RAP1GAP2: variants seen among roughly 807,000 people sequenced by gnomAD.
RAP1GAP2 encodes rap1 GTPase-activating protein 2.
In RAP1GAP2, 27 loss-of-function variants were observed where a neutral mutation model predicts 95.0. The ratio of observed to expected loss-of-function variants is 0.28; its 90% CI spans 0.21 to 0.39. RAP1GAP2 has a LOEUF of 0.39. Among genes scored for constraint, RAP1GAP2 ranks in the 10% least tolerant of loss-of-function variants. RAP1GAP2 has a pLI of 1.00. For synonymous variants in RAP1GAP2, 373 were observed against 380.9 expected (o/e 0.98, Z 0.24); for missense variants, 771 against 970.0 (o/e 0.79, Z 2.72).
In RAP1GAP2 at chr17:2,827,532, G is replaced by A. The variant is rs1597384769; in HGVS notation, c.80+26982G>A. ...CCATAGAAGGGACATTTGAGGCCTGGCGCGGTGGCTCATGCCTGTAATCCC... is the reference window on the plus strand; with the variant it reads ...CCATAGAAGGGACATTTGAGGCCTGACGCGGTGGCTCATGCCTGTAATCCC... On this transcript the variant is annotated intron_variant, in intron 2 of 24. Transcript: ENST00000254695. The surrounding 1 kb of genome is among the most constrained non-coding windows in gnomAD (Gnocchi z 4.1). Among the ~76,000 whole-genome samples the A allele has an allele frequency of 6.6e-6, 1 of 152,304 alleles. No homozygotes were observed. The highest frequency in any genetic ancestry group is 1.9e-4 in the East Asian group (1 of 5,174).
chr17:2,900,736 C>T (rs2042000905), intron 2 of RAP1GAP2, among the ~76,000 whole-genome samples: 1 of 152,198 alleles, frequency 6.6e-6, no homozygotes, highest in Admixed American at 6.5e-5. Flanking sequence ...GCCACCTCTC[C>T]CAGCCACAGC....
chr17:2,791,857 C>CTTTTTTTTTTTTTTTTTT (rs530185952), upstream of RAP1GAP2, among the ~76,000 whole-genome samples: 1 of 136,028 alleles, frequency 7.4e-6, no homozygotes, highest in Non-Finnish European at 1.6e-5. Context: ...CCTTTTCTCT[C>CTTTTTTTTTTTTTTTTTT]TTTTTTTTTT....
intron 21 of RAP1GAP2, 92 bp downstream of exon 21, chr17:3,026,556 A>C (rs1430565356): frequency 9.2e-7 from 1 of 1,083,244 alleles, no homozygotes; most frequent in African/African-American, 1.6e-5. Context: ...ATCGAAGCCC[A>C]TGTCAGTCTT....
chr17:2,848,475 T>C (rs761125285), intron 2 of RAP1GAP2, among the ~76,000 whole-genome samples: 1 of 149,154 alleles, frequency 6.7e-6, no homozygotes, highest in Non-Finnish European at 1.5e-5. Flanking sequence ...TGGCAGAGAG[T>C]TTTCCTGCAT....
chr17:2,896,924 G>A (rs1567754268), intron 2 of RAP1GAP2, among the ~76,000 whole-genome samples: 1 of 152,306 alleles, frequency 6.6e-6, no homozygotes, highest in East Asian at 1.9e-4. Context: ...ACTCCAGCCG[G>A]CTCATCTCCT....
chr17:2,844,651 G>A (rs2071508400), intron 2 of RAP1GAP2, among the ~76,000 whole-genome samples: 1 of 152,298 alleles, frequency 6.6e-6, no homozygotes, highest in African/African-American at 2.4e-5. Flanking sequence ...TAGGCTAAAA[G>A]GACTTAATGT....
At chr17:3,026,303 G>C in intron 20 of RAP1GAP2, 47 bp from the exon 21 acceptor site, 1 of 1,478,470 alleles carries the variant, frequency 6.8e-7, no homozygotes, top group Admixed American at 2.0e-5. Flanking sequence ...GGGGGTGGAG[G>C]GCTCTCGCGT....
In RAP1GAP2 at chr17:2,963,695, G is replaced by A. The variant is rs1234855829; in HGVS notation, c.280-161G>A. Among the ~76,000 whole-genome samples the A allele has an allele frequency of 6.6e-6, 1 of 152,160 alleles. No homozygotes were observed. The highest frequency in any genetic ancestry group is 1.5e-5 in the Non-Finnish European group (1 of 68,028). On this transcript the variant is annotated intron_variant, in intron 6 of 24. Coordinates refer to ENST00000254695, the MANE Select transcript of RAP1GAP2 (RefSeq NM_015085.5). This position sits in a 1 kb window ranked among gnomAD's most constrained non-coding sequence, Gnocchi z 4.8. ...AGGGTTGGCGAATGAAGCTGGAGGT[G>A]TTGTGGGGCTTGGAGGAGGGGTTCA... is the stretch of plus-strand genomic sequence containing the variant.
upstream of RAP1GAP2, among the ~76,000 whole-genome samples, chr17:2,776,670 C>G (rs1297107132): frequency 6.6e-6 from 1 of 150,444 alleles, no homozygotes; most frequent in Non-Finnish European, 1.5e-5. Context: ...GACCCTGGAT[C>G]GGCGCGGGCT....
rs150616121 is a variant in RAP1GAP2 at position 2,841,899 on chromosome 17, C to A, written c.80+41349C>A. Among the ~76,000 whole-genome samples the A allele has an allele frequency of 2.2e-3, 336 of 152,336 alleles. 1 individual carries two copies. Among genetic ancestry groups the A allele is most frequent in the African/African-American group, 7.8e-3 (325 of 41,576 alleles). On this transcript the variant is annotated intron_variant, in intron 2 of 24. Coordinates refer to ENST00000254695, the MANE Select transcript of RAP1GAP2 (RefSeq NM_015085.5). Reference sequence around the variant, plus strand: ...CCCTTCTCTCGGGCTCCTCCTGACCCCACAGCATTCCCAGCAGTTTCTGGC... The same window carrying A: ...CCCTTCTCTCGGGCTCCTCCTGACCACACAGCATTCCCAGCAGTTTCTGGC...
At chr17:2,923,657 GT>G (rs71377551) in intron 3 of RAP1GAP2, among the ~76,000 whole-genome samples, 64 of 149,446 alleles carry the variant, frequency 4.3e-4, no homozygotes, top group Admixed American at 2.2e-3. Context: ...ATTTTTATCA[GT>G]TTTTTTTTTG....
intron 2 of RAP1GAP2, among the ~76,000 whole-genome samples, chr17:2,895,034 G>C (rs1000296095): frequency 5.3e-5 from 8 of 152,176 alleles, no homozygotes; most frequent in Non-Finnish European, 1.0e-4. Flanking sequence ...TCCGCACAGC[G>C]CCGGCACTGT....
In RAP1GAP2 at chr17:2,965,209, A is replaced by T. The variant is rs1040730704; in HGVS notation, c.493-331A>T. Reference sequence around the variant, plus strand: ...AGACAGCTGTGCGTTTGAACCCTGGATCTGTCCCTTACTCATCGTGTCATC... The same window carrying T: ...AGACAGCTGTGCGTTTGAACCCTGGTTCTGTCCCTTACTCATCGTGTCATC... On this transcript the variant is annotated intron_variant, in intron 7 of 24. Transcript: ENST00000254695. The surrounding 1 kb of genome is among the most constrained non-coding windows in gnomAD (Gnocchi z 4.7). 9.8e-6 allele frequency: 3 copies of T among 307,268 alleles called. No individual in the cohort carries two copies. Among genetic ancestry groups the T allele is most frequent in the Admixed American group, 9.3e-5 (2 of 21,506 alleles). The allele number at this position is 307,268 out of a possible 1,614,324, so 19.0% of individuals were successfully genotyped here.
At position 2,918,231 on chromosome 17, in the gene RAP1GAP2, C is replaced by G. The variant is rs1034386330; in HGVS notation, c.165+12863C>G. Reference sequence around the variant, plus strand: ...CGGGCAGATCATGAGGTCAGGAGTTCAAGACCAGCCTGGCCAATATGGTGA... The same window carrying G: ...CGGGCAGATCATGAGGTCAGGAGTTGAAGACCAGCCTGGCCAATATGGTGA... On this transcript the variant is annotated intron_variant, in intron 3 of 24. Coordinates refer to ENST00000254695, the MANE Select transcript of RAP1GAP2 (RefSeq NM_015085.5). Among the ~76,000 whole-genome samples the G allele has an allele frequency of 4.6e-5, 7 of 151,948 alleles. No individual in the cohort carries two copies. The East Asian group carries it at 1.4e-3, about 30-fold the overall frequency.
chr17:2,765,101 G>A (rs1258053620), intron 1 of RAP1GAP2, among the ~76,000 whole-genome samples: 1 of 152,186 alleles, frequency 6.6e-6, no homozygotes, highest in African/African-American at 2.4e-5. Context: ...TACAGGAGGG[G>A]AGTCACTTTG....
chr17:2,931,388 G>A (rs1183061406), intron 3 of RAP1GAP2, among the ~76,000 whole-genome samples: 1 of 151,864 alleles, frequency 6.6e-6, no homozygotes, highest in Non-Finnish European at 1.5e-5. Flanking sequence ...TTTGGGGGTG[G>A]ATATTGTGGG....
At chr17:2,877,658 TG>T (rs1194120688) in intron 2 of RAP1GAP2, among the ~76,000 whole-genome samples, 1 of 152,080 alleles carries the variant, frequency 6.6e-6, no homozygotes, top group African/African-American at 2.4e-5. Flanking sequence ...GGCTGAGGCA[TG>T]AGGATTGCTT....
rs1029034672 is a variant in RAP1GAP2 at position 3,035,255 on chromosome 17, G to C, written c.*1894G>C. The stretch of plus-strand genomic sequence containing the variant: ...AAAGAGGCCTGTACGTTCTGGACGC[G>C]TTTTGTTGGCTGGGCTTCTGGAGGC... On this transcript the variant is annotated 3_prime_UTR_variant, in exon 25 of 25. Coordinates refer to ENST00000254695, the MANE Select transcript of RAP1GAP2 (RefSeq NM_015085.5). This position sits in a 1 kb window ranked among gnomAD's most constrained non-coding sequence, Gnocchi z 4.3. The C allele has an allele frequency of 6.6e-6, 1 of 152,648 alleles. No homozygotes were observed. The highest frequency in any genetic ancestry group is 2.4e-5 in the African/African-American group (1 of 41,568). The allele number at this position is 152,648 out of a possible 1,614,324, so 9.5% of individuals were successfully genotyped here.
chr17:2,846,467 G>A (rs2071592568), intron 2 of RAP1GAP2, among the ~76,000 whole-genome samples: 1 of 152,112 alleles, frequency 6.6e-6, no homozygotes, highest in Non-Finnish European at 1.5e-5. Context: ...CTGGACTGCA[G>A]TGGTGCAATC....
Sources: allele counts gnomAD v4.1 joint callset (sites outside exome capture counted in the v4.1 genomes callset), GRCh38; gene constraint gnomAD v4.1.1; non-coding constraint Gnocchi (gnomAD v3.1); transcripts MANE v1.5; gene names NCBI Gene and HGNC (gene_info 2026-07-23, HGNC 2026-07-21).